Variants in MOB3B observed in about 807,000 individuals in gnomAD.
MOB3B encodes MOB kinase activator 3B, also known as MOB kinase activator-like 2B.
A neutral mutation model predicts 18.7 loss-of-function variants in MOB3B; 7 were observed. The observed-to-expected ratio is 0.37, with a 90% CI of 0.21 to 0.70. MOB3B has a LOEUF of 0.70. Ranked by LOEUF, MOB3B falls within the 30% of genes least tolerant of loss-of-function variation. The pLI is 0.52. For missense variants in MOB3B, 253 were observed against 281.3 expected (o/e 0.90, Z 0.72); for synonymous variants, 111 against 99.9 (o/e 1.11, Z -0.66).
At chr9:27,470,248 C>T (rs1819451757) in intron 1 of MOB3B, among the ~76,000 whole-genome samples, 1 of 151,830 alleles carries the variant, frequency 6.6e-6, no homozygotes, top group African/African-American at 2.4e-5. Flanking sequence ...TCCTTTGTTC[C>T]TCCAAATGAA....
At chr9:27,437,914 A>G (rs1822536904) in intron 2 of MOB3B, among the ~76,000 whole-genome samples, 1 of 152,224 alleles carries the variant, frequency 6.6e-6, no homozygotes, top group Non-Finnish European at 1.5e-5. Flanking sequence ...GACACACCCA[A>G]AAGCTATGAA....
At chr9:27,477,173 C>T (rs747014843) in intron 1 of MOB3B, among the ~76,000 whole-genome samples, 1 of 152,186 alleles carries the variant, frequency 6.6e-6, no homozygotes, top group Non-Finnish European at 1.5e-5. Flanking sequence ...GAACAAGGAG[C>T]CCCACATTTT....
intron 3 of MOB3B, among the ~76,000 whole-genome samples, chr9:27,345,618 C>T (rs1177623050): frequency 6.6e-6 from 1 of 152,172 alleles, no homozygotes; most frequent in African/African-American, 2.4e-5. Flanking sequence ...TTGTTACCTG[C>T]CTGACTCTGT....
At chr9:27,370,312 C>T (rs1382740430) in intron 2 of MOB3B, among the ~76,000 whole-genome samples, 9 of 151,920 alleles carry the variant, frequency 5.9e-5, no homozygotes, top group Non-Finnish European at 1.0e-4. Context: ...AATTCAAGAC[C>T]GGCCTGACCA....
chr9:27,377,397 T>A (rs1286965992), intron 2 of MOB3B, among the ~76,000 whole-genome samples: 1 of 152,116 alleles, frequency 6.6e-6, no homozygotes, highest in Non-Finnish European at 1.5e-5. Flanking sequence ...ACTACGGAAG[T>A]GCTGAAAATA....
At chr9:27,370,647 A>T (rs1186773836) in intron 2 of MOB3B, among the ~76,000 whole-genome samples, 1 of 152,138 alleles carries the variant, frequency 6.6e-6, no homozygotes, top group Non-Finnish European at 1.5e-5. Flanking sequence ...CAGTGCCTTG[A>T]TCTTGGACTT....
chr9:27,354,133 A>C (rs1191852442), intron 3 of MOB3B, among the ~76,000 whole-genome samples: 1 of 152,198 alleles, frequency 6.6e-6, no homozygotes. Context: ...AGCAGGTCCC[A>C]ATGGGAGCCA....
chr9:27,516,700 C>A (rs1322771838), intron 1 of MOB3B, among the ~76,000 whole-genome samples: 1 of 152,192 alleles, frequency 6.6e-6, no homozygotes, highest in East Asian at 1.9e-4. Flanking sequence ...CCCACTGTAA[C>A]ATAGCATATT....
intron 1 of MOB3B, among the ~76,000 whole-genome samples, chr9:27,474,657 A>G (rs1307989682): frequency 6.6e-6 from 1 of 152,226 alleles, no homozygotes; most frequent in African/African-American, 2.4e-5. Context: ...AAGAAGGGCA[A>G]GAAGGGAAGA....
chr9:27,418,108 A>AAAAAAAG (rs1484563508), intron 2 of MOB3B, among the ~76,000 whole-genome samples: 1 of 150,056 alleles, frequency 6.7e-6, no homozygotes, highest in Non-Finnish European at 1.5e-5. Context: ...AAAAAAAAAA[A>AAAAAAAG]AAAAGTAATA....
chr9:27,481,674 C>T (rs372650685), intron 1 of MOB3B, among the ~76,000 whole-genome samples: 2 of 151,796 alleles, frequency 1.3e-5, no homozygotes, highest in East Asian at 1.9e-4. Context: ...TACAGGCGCC[C>T]GCCACCATGC....
chr9:27,358,997 G>A (rs1404968149), intron 3 of MOB3B, 37 bp downstream of exon 3: 3 of 1,600,544 alleles, frequency 1.9e-6, no homozygotes, highest in African/African-American at 2.7e-5. Flanking sequence ...GAGCTCCTGG[G>A]GTGACTTGGA....
intron 2 of MOB3B, among the ~76,000 whole-genome samples, chr9:27,438,712 C>G (rs761732920): frequency 5.3e-5 from 8 of 152,130 alleles, no homozygotes; most frequent in Non-Finnish European, 8.8e-5. Context: ...CGTACACTTG[C>G]GGCGCCTGAA....
At chr9:27,444,702 T>G (rs1002916733) in intron 2 of MOB3B, among the ~76,000 whole-genome samples, 8 of 152,194 alleles carry the variant, frequency 5.3e-5, no homozygotes, top group Admixed American at 3.9e-4. Flanking sequence ...ATTCTAAACC[T>G]GGATCAACCA....
chr9:27,490,333 T>A (rs1027637826), intron 1 of MOB3B, among the ~76,000 whole-genome samples: 3 of 152,240 alleles, frequency 2.0e-5, no homozygotes, highest in Non-Finnish European at 4.4e-5. Context: ...GTGAGAGAGA[T>A]TAGACACAGA....
chr9:27,494,358 C>T (rs966766948), intron 1 of MOB3B, among the ~76,000 whole-genome samples: 2 of 152,174 alleles, frequency 1.3e-5, no homozygotes, highest in Non-Finnish European at 2.9e-5. Context: ...CACTCCCTCC[C>T]CTTTTGAAAA....
chr9:27,513,322 A>G (rs1820174089), intron 1 of MOB3B, among the ~76,000 whole-genome samples: 1 of 152,082 alleles, frequency 6.6e-6, no homozygotes, highest in African/African-American at 2.4e-5. Context: ...GCCTACTGAA[A>G]TATCTGCCCT....
chr9:27,459,030 G>T (rs1371432162), intron 1 of MOB3B, among the ~76,000 whole-genome samples: 1 of 150,966 alleles, frequency 6.6e-6, no homozygotes, highest in African/African-American at 2.4e-5. Context: ...CATGTTTAAA[G>T]ACAATGGCAA....
intron 2 of MOB3B, among the ~76,000 whole-genome samples, chr9:27,372,259 C>T (rs954112381): frequency 1.3e-5 from 2 of 152,248 alleles, no homozygotes; most frequent in African/African-American, 2.4e-5. Flanking sequence ...ATGGCCCAAA[C>T]TGGAACAATC....
Sources: allele counts gnomAD v4.1 joint callset (sites outside exome capture counted in the v4.1 genomes callset), GRCh38; gene constraint gnomAD v4.1.1; transcripts MANE v1.5; gene names NCBI Gene and HGNC (gene_info 2026-07-23, HGNC 2026-07-21).